Variants in PADI4 observed in about 807,000 individuals in gnomAD.
The protein encoded by PADI4 is protein-arginine deiminase type-4.
PADI4 carries 62 observed loss-of-function variants against 75.0 expected under a neutral mutation model. That is an observed-to-expected ratio of 0.83 (90% CI 0.67 to 1.02). The LOEUF (loss-of-function observed/expected upper bound fraction) is 1.02, where lower values mean the gene tolerates loss of function less well. Among genes scored for constraint, PADI4 ranks in the 50% least tolerant of loss-of-function variants. The pLI, the probability that PADI4 is intolerant of heterozygous loss-of-function variation, is 0.00. For synonymous variants in PADI4, 361 were observed against 348.1 expected, an observed-to-expected ratio of 1.04 and a Z score of -0.41; for missense variants, 845 against 850.5, an observed-to-expected ratio of 0.99 and a Z score of 0.08.
chr1:17,358,582 A>T (rs376490822), intron 13 of PADI4, among the ~76,000 whole-genome samples: 2 of 57,698 alleles, frequency 3.5e-5, no homozygotes, highest in Non-Finnish European at 3.3e-5. Flanking sequence ...AAAAAAAAAT[A>T]ATAATAAAAA....
At chr1:17,343,785 T>C (rs2074465602) in intron 8 of PADI4, among the ~76,000 whole-genome samples, 1 of 152,186 alleles carries the variant, frequency 6.6e-6, no homozygotes, top group African/African-American at 2.4e-5. Flanking sequence ...GCCTTTTGCC[T>C]CCCACCATGG....
At chr1:17,361,738 G>T (rs955995072) in intron 15 of PADI4, among the ~76,000 whole-genome samples, 3 of 152,304 alleles carry the variant, frequency 2.0e-5, no homozygotes, top group African/African-American at 7.2e-5. Flanking sequence ...ACCCACATAG[G>T]CCTACAGCCA....
At chr1:17,336,486 G>A (rs762406958) in intron 4 of PADI4, among the ~76,000 whole-genome samples, 22 of 152,208 alleles carry the variant, frequency 1.4e-4, no homozygotes, top group Non-Finnish European at 2.5e-4. Flanking sequence ...TTAATACACA[G>A]CAGAGAGGAA....
chr1:17,340,050 GCGCACACACA>G (rs796774918), intron 6 of PADI4, among the ~76,000 whole-genome samples: 6,332 of 148,708 alleles, frequency 0.043, 460 homozygotes, highest in African/African-American at 0.15. Context: ...ACACACGCGC[GCGCACACACA>G]CACACACACA....
chr1:17,359,252 C>T (rs1557584703), intron 14 of PADI4, 28 bp from the exon 15 acceptor site: 3 of 1,540,834 alleles, frequency 1.9e-6, no homozygotes, highest in Non-Finnish European at 2.7e-6. Flanking sequence ...ATCAGTCCCC[C>T]ACTCACTGCC....
Position 17,348,191 on chromosome 1 carries a change from A to G in PADI4, c.1155+143A>G, listed in dbSNP as rs2074554485. 7.4e-6 allele frequency: 4 copies of G among 543,310 alleles called. No homozygotes were observed. The South Asian group carries it at 1.0e-4, about 14-fold the overall frequency. 33.7% of individuals were successfully genotyped at this position (543,310 alleles called of 1,614,324 possible). Reference sequence around the variant, plus strand: ...GTGGAATTCCTACCAAAGTGGGAGCATGTAGGTGGGGCTTGTTATTTTTTT... The same window carrying G: ...GTGGAATTCCTACCAAAGTGGGAGCGTGTAGGTGGGGCTTGTTATTTTTTT... On this transcript the variant is annotated intron_variant, in intron 10 of 15. Transcript: ENST00000375448.
intron 1 of PADI4, among the ~76,000 whole-genome samples, chr1:17,322,890 T>A (rs1354115820): frequency 6.6e-6 from 1 of 152,154 alleles, no homozygotes; most frequent in East Asian, 1.9e-4. Flanking sequence ...CTGTATTAGC[T>A]ATCTATACTG....
At chr1:17,355,554 A>G (rs2074745808) in intron 11 of PADI4, among the ~76,000 whole-genome samples, 1 of 143,360 alleles carries the variant, frequency 7.0e-6, no homozygotes, top group African/African-American at 2.6e-5. Context: ...AAAAAAAAAA[A>G]GTGAGGAAGA....
intron 1 of PADI4, among the ~76,000 whole-genome samples, chr1:17,319,527 A>G (rs1255711201): frequency 2.6e-5 from 4 of 152,194 alleles, no homozygotes; most frequent in Admixed American, 2.0e-4. Context: ...GTGCTTAAAA[A>G]AAGAGAGAGA....
chr1:17,310,404 G>A (rs562689357), intron 1 of PADI4, among the ~76,000 whole-genome samples: 3 of 152,026 alleles, frequency 2.0e-5, no homozygotes, highest in Non-Finnish European at 4.4e-5. Flanking sequence ...CCCAGACAGC[G>A]CCTCCCTCCC....
intron 9 of PADI4, 50 bp from the exon 10 acceptor site, chr1:17,347,891 C>G: frequency 9.0e-7 from 1 of 1,112,244 alleles, no homozygotes; most frequent in Non-Finnish European, 1.3e-6. Flanking sequence ...CGTCGGGCAC[C>G]AAGACCCAGG....
chr1:17,334,561 C>T, intron 3 of PADI4: 1 of 455,550 alleles, frequency 2.2e-6, no homozygotes, highest in Non-Finnish European at 4.4e-6. Flanking sequence ...CCTCAGGCTC[C>T]CAAAGTGCTC....
chr1:17,334,851 A>G, intron 3 of PADI4: 1 of 284,206 alleles, frequency 3.5e-6, no homozygotes, highest in South Asian at 3.0e-5. Flanking sequence ...TATTAAACAT[A>G]TAAGTAGCAG....
rs1570052657 is a variant in PADI4, at chr1:17,341,930, G to T, written c.653-13G>T. The T allele has an allele frequency of 6.2e-7, 1 of 1,609,404 alleles. No individual in the cohort carries two copies. The highest frequency in any genetic ancestry group is 1.7e-5 in the Admixed American group (1 of 59,714). On this transcript the variant is annotated splice_polypyrimidine_tract_variant and intron_variant, in intron 6 of 15. Transcript: ENST00000375448. ...GGGGACGCAGACCTGAGTCTCCCCT[G>T]CCTCTCTCCTAGGGGGCAAACTGTC...
intron 1 of PADI4, among the ~76,000 whole-genome samples, chr1:17,320,908 A>G (rs770307114): frequency 6.6e-6 from 1 of 152,138 alleles, no homozygotes; most frequent in Non-Finnish European, 1.5e-5. Context: ...TGCCTCTGAC[A>G]CTTGTGGTTA....
chr1:17,347,909 C>G, intron 9 of PADI4, 32 bp from the exon 10 acceptor site: 1 of 1,336,346 alleles, frequency 7.5e-7, no homozygotes, highest in Non-Finnish European at 1.0e-6. Context: ...AGGCAGCACG[C>G]GCAACAGCCT....
At chr1:17,353,965 C>T (rs931452272) in intron 10 of PADI4, among the ~76,000 whole-genome samples, 1 of 151,918 alleles carries the variant, frequency 6.6e-6, no homozygotes, top group African/African-American at 2.4e-5. Context: ...TGTGGCTGGG[C>T]GTGGGGGCTC....
Position 17,363,675 on chromosome 1 carries a change from A to G in PADI4, c.1912A>G (p.Ile638Val), listed in dbSNP as rs753968354. Residue 638 changes from isoleucine (I) to valine (V), a missense_variant, in exon 16 of 16, where the codon ATC becomes GTC. Coordinates refer to ENST00000375448, the MANE Select transcript of PADI4 (RefSeq NM_012387.3). ...CATCAACGACTTCTTCACCTACCAC[A>G]TCAGGCATGGGGAGGTGCACTGCGG... ...TFINDFFTYH[I>V]RHGEVHCGTN... 2 of 1,613,846 alleles carry G rather than the reference A, an allele frequency of 1.2e-6. No homozygotes were observed. Among genetic ancestry groups the G allele is most frequent in the Non-Finnish European group, 1.7e-6 (2 of 1,179,840 alleles).
At chr1:17,348,540 C>T (rs1192908554) in intron 10 of PADI4, among the ~76,000 whole-genome samples, 1 of 152,122 alleles carries the variant, frequency 6.6e-6, no homozygotes, top group East Asian at 1.9e-4. Flanking sequence ...TGGGAAGTGA[C>T]GTATTGCTGA....
Sources: allele counts gnomAD v4.1 joint callset (sites outside exome capture counted in the v4.1 genomes callset), GRCh38; gene constraint gnomAD v4.1.1; transcripts MANE v1.5; gene names NCBI Gene and HGNC (gene_info 2026-07-23, HGNC 2026-07-21).